CUX1: variants seen among roughly 807,000 people sequenced by gnomAD.
CUX1 encodes cut like homeobox 1.
A neutral mutation model predicts 158.8 loss-of-function variants in CUX1; 31 were observed. That is an observed-to-expected ratio of 0.20 (90% CI 0.15 to 0.26). CUX1 has a LOEUF of 0.26. Among genes scored for constraint, CUX1 ranks in the 10% least tolerant of loss-of-function variants. The pLI is 1.00. For missense variants in CUX1, 1,589 were observed against 2,014.6 expected (o/e 0.79, Z 4.04); for synonymous variants, 879 against 862.1 (o/e 1.02, Z -0.34).
chr7:102,276,404 C>A (rs1419544136), intron 17 of CUX1, among the ~76,000 whole-genome samples: 1 of 152,214 alleles, frequency 6.6e-6, no homozygotes, highest in African/African-American at 2.4e-5. Flanking sequence ...TGGGTTCAAG[C>A]GATTCTTCTG....
chr7:102,067,370 T>C (rs1183698126), intron 3 of CUX1, among the ~76,000 whole-genome samples: 2 of 151,422 alleles, frequency 1.3e-5, no homozygotes, highest in African/African-American at 4.9e-5. Flanking sequence ...CCTGAGTAGC[T>C]GAGATTACAG....
At chr7:101,930,673 T>G (rs1250281742) in intron 2 of CUX1, among the ~76,000 whole-genome samples, 1 of 152,198 alleles carries the variant, frequency 6.6e-6, no homozygotes, top group Non-Finnish European at 1.5e-5. Flanking sequence ...GAAGATGTTG[T>G]GTTATATAGT....
At chr7:101,895,361 T>C (rs763226489) in intron 1 of CUX1, among the ~76,000 whole-genome samples, 5 of 152,030 alleles carry the variant, frequency 3.3e-5, no homozygotes, top group African/African-American at 4.8e-5. Flanking sequence ...GTAGCCACAG[T>C]TGGATCCCAA....
chr7:102,143,815 C>G lies in CUX1; in HGVS notation c.675-14745C>G, dbSNP rs144191447. On this transcript the variant is annotated intron_variant, in intron 8 of 23. Transcript: ENST00000292535. ...GTTTTGTTTGAGACGGAGTCTCAAT[C>G]TGTCTCACCAAGACTGGAGTGCCGT... Among the ~76,000 whole-genome samples, 332 of 152,256 alleles carry G rather than the reference C, an allele frequency of 2.2e-3. 2 individuals are homozygous for G. The highest frequency in any genetic ancestry group is 7.7e-3 in the African/African-American group (318 of 41,546).
intron 2 of CUX1, among the ~76,000 whole-genome samples, chr7:101,926,152 G>C (rs1308490618): frequency 6.6e-6 from 1 of 152,192 alleles, no homozygotes; most frequent in Non-Finnish European, 1.5e-5. Flanking sequence ...TTGGCAAAAT[G>C]AGAAAACCCC....
chr7:102,007,603 C>T (rs924662209), intron 2 of CUX1, among the ~76,000 whole-genome samples: 1 of 151,560 alleles, frequency 6.6e-6, no homozygotes, highest in Non-Finnish European at 1.5e-5. Flanking sequence ...TCACCTGGGC[C>T]CTAAACTTCT....
rs139516381 is a variant in CUX1 at position 102,077,415 on chromosome 7, C to G, written c.268+6998C>G. On this transcript the variant is annotated intron_variant, in intron 4 of 23. Coordinates refer to ENST00000292535, the MANE Select transcript of CUX1 (RefSeq NM_181552.4). The stretch of plus-strand genomic sequence containing the variant: ...GTGAATAATGACTCTGGGGATCGGG[C>G]GCAGTGGCTTACTCCTATAATCACT... Among the ~76,000 whole-genome samples, 227 of 150,646 alleles carry G rather than the reference C, an allele frequency of 1.5e-3. 1 individual carries two copies. The highest frequency in any genetic ancestry group is 5.4e-3 in the African/African-American group (221 of 41,094).
intron 3 of CUX1, among the ~76,000 whole-genome samples, chr7:102,038,527 A>G (rs1821702897): frequency 6.6e-6 from 1 of 152,226 alleles, no homozygotes; most frequent in African/African-American, 2.4e-5. Flanking sequence ...CTCCTGACCA[A>G]GTTGGCTAAA....
chr7:101,966,303 CTT>C (rs112153295), intron 2 of CUX1, among the ~76,000 whole-genome samples: 19 of 133,652 alleles, frequency 1.4e-4, no homozygotes, highest in Non-Finnish European at 1.8e-4. Flanking sequence ...TTTTGACTGT[CTT>C]TTTTTTTTTT....
chr7:102,278,628 T>A (rs1179045932), intron 18 of CUX1, among the ~76,000 whole-genome samples: 20 of 101,660 alleles, frequency 2.0e-4, no homozygotes, highest in African/African-American at 3.7e-4. Context: ...TAAAATAAAA[T>A]TAAAATAAAA....
intron 20 of CUX1, among the ~76,000 whole-genome samples, chr7:102,217,326 T>C (rs548546598): frequency 3.9e-5 from 6 of 152,384 alleles, no homozygotes; most frequent in Non-Finnish European, 5.9e-5. Context: ...ACAAGCCAAC[T>C]GAGCCCAGAG....
chr7:102,217,821 G>A (rs55794803), intron 20 of CUX1, among the ~76,000 whole-genome samples: 10 of 144,936 alleles, frequency 6.9e-5, no homozygotes, highest in South Asian at 6.4e-4. Flanking sequence ...TAGAGGGAGG[G>A]AGGATCTGGA....
intron 2 of CUX1, among the ~76,000 whole-genome samples, chr7:101,968,060 A>T (rs1287295523): frequency 6.6e-6 from 1 of 152,086 alleles, no homozygotes; most frequent in African/African-American, 2.4e-5. Flanking sequence ...ACACACCACC[A>T]CAACTGGATA....
intron 23 of CUX1, among the ~76,000 whole-genome samples, chr7:102,240,680 G>T (rs1179879882): frequency 1.3e-5 from 2 of 152,176 alleles, no homozygotes; most frequent in African/African-American, 4.8e-5. Context: ...CTTTGCATTT[G>T]GGAAAGTTCA....
intron 21 of CUX1, chr7:102,281,970 T>TA: frequency 4.6e-6 from 6 of 1,310,564 alleles, no homozygotes; most frequent in Non-Finnish European, 6.6e-6. Context: ...TCCCCAGCCC[T>TA]GACCTCCAGG....
chr7:101,970,729 T>A (rs963259292), intron 2 of CUX1, among the ~76,000 whole-genome samples: 8 of 151,958 alleles, frequency 5.3e-5, no homozygotes, highest in Non-Finnish European at 1.2e-4. Flanking sequence ...CTGATTTTTG[T>A]CTTTTTAGTA....
intron 10 of CUX1, among the ~76,000 whole-genome samples, chr7:102,178,150 C>T (rs1792599489): frequency 6.6e-6 from 1 of 152,240 alleles, no homozygotes; most frequent in Admixed American, 6.5e-5. Flanking sequence ...CATCCACCCA[C>T]CTTGGCCTCC....
intron 14 of CUX1, among the ~76,000 whole-genome samples, chr7:102,268,253 G>C (rs1012176123): frequency 6.6e-6 from 1 of 152,206 alleles, no homozygotes; most frequent in East Asian, 1.9e-4. Flanking sequence ...CACACTCTAT[G>C]CTTCTCAAGA....
chr7:102,151,727 CAAAAAAAAAAAAAAAAAAAA>C (rs1159017025), intron 8 of CUX1, among the ~76,000 whole-genome samples: 1 of 38,876 alleles, frequency 2.6e-5, no homozygotes, highest in African/African-American at 9.0e-5. Context: ...GACTCTGTCT[CAAAAAAAAAAAAAAAAAAAA>C]AAAAAAAAAA....
Sources: allele counts gnomAD v4.1 joint callset (sites outside exome capture counted in the v4.1 genomes callset), GRCh38; gene constraint gnomAD v4.1.1; transcripts MANE v1.5; gene names NCBI Gene and HGNC (gene_info 2026-07-23, HGNC 2026-07-21).